Variants in EYS observed in about 807,000 individuals in gnomAD.
The protein encoded by EYS is EGF-like photoreceptor maintenance factor, also known as protein eyes shut homolog.
A neutral mutation model predicts 282.1 loss-of-function variants in EYS; 250 were observed. The observed-to-expected ratio is 0.89, with a 90% CI of 0.80 to 0.98. The LOEUF (loss-of-function observed/expected upper bound fraction) is 0.98. EYS is among the 50% of genes least tolerant of loss of function. The probability of loss-of-function intolerance (pLI) is 0.00; values close to 1 mark genes in which losing one functional copy is unlikely to be tolerated. For synonymous variants in EYS, 1,355 were observed against 1,282.9 expected, an observed-to-expected ratio of 1.06 and a Z score of -1.20; for missense variants, 4,016 against 3,709.0, an observed-to-expected ratio of 1.08 and a Z score of -2.15.
At chr6:65,068,239 T>C (rs904741446) in intron 12 of EYS, among the ~76,000 whole-genome samples, 3 of 152,098 alleles carry the variant, frequency 2.0e-5, no homozygotes, top group Non-Finnish European at 2.9e-5. Context: ...ACATTCTACT[T>C]TCCAACGGAG....
At chr6:64,064,754 T>C (rs1392549765) in intron 33 of EYS, among the ~76,000 whole-genome samples, 1 of 152,198 alleles carries the variant, frequency 6.6e-6, no homozygotes, top group Non-Finnish European at 1.5e-5. Flanking sequence ...ATAGCAATTA[T>C]TTCATGTATA....
chr6:65,310,395 T>G (rs1354519940), intron 11 of EYS, among the ~76,000 whole-genome samples: 1 of 152,020 alleles, frequency 6.6e-6, no homozygotes, highest in East Asian at 1.9e-4. Context: ...CTGGGATTAG[T>G]GGTGACCAGC....
chr6:65,697,315 G>A (rs917569185), intron 1 of EYS, among the ~76,000 whole-genome samples: 34 of 151,944 alleles, frequency 2.2e-4, no homozygotes, highest in African/African-American at 8.0e-4. Context: ...TTCATGTTAA[G>A]TGCATATTCA....
At chr6:63,816,217 G>A (rs1056880779) in intron 36 of EYS, among the ~76,000 whole-genome samples, 1 of 152,080 alleles carries the variant, frequency 6.6e-6, no homozygotes, top group African/African-American at 2.4e-5. Context: ...AATTGGAAAG[G>A]ATCTTGTTAT....
chr6:64,409,505 T>C (rs1029808377), intron 28 of EYS, among the ~76,000 whole-genome samples: 1 of 152,214 alleles, frequency 6.6e-6, no homozygotes, highest in Non-Finnish European at 1.5e-5. Context: ...TTTCTTTCCA[T>C]TCAAAGAGCT....
chr6:64,202,719 A>G (rs542073013), intron 31 of EYS, among the ~76,000 whole-genome samples: 1 of 152,160 alleles, frequency 6.6e-6, no homozygotes, highest in East Asian at 1.9e-4. Context: ...ATCCTCCATG[A>G]GAGTAGGCCC....
intron 19 of EYS, among the ~76,000 whole-genome samples, chr6:64,856,288 C>CA (rs1045352734): frequency 6.6e-6 from 1 of 151,866 alleles, no homozygotes; most frequent in Non-Finnish European, 1.5e-5. Context: ...CATTTGGTAT[C>CA]AAAAAAATAT....
intron 28 of EYS, among the ~76,000 whole-genome samples, chr6:64,422,628 A>G (rs2150452932): frequency 6.6e-6 from 1 of 152,360 alleles, no homozygotes; most frequent in East Asian, 1.9e-4. Flanking sequence ...TTTTTTTATT[A>G]GAAGAGTCTC....
chr6:65,290,619 G>T (rs969417811), intron 12 of EYS, among the ~76,000 whole-genome samples: 1 of 151,352 alleles, frequency 6.6e-6, no homozygotes, highest in East Asian at 1.9e-4. Context: ...TTAGAGTTTA[G>T]AGTCAGAAAT....
intron 35 of EYS, among the ~76,000 whole-genome samples, chr6:63,887,993 T>G (rs1170836182): frequency 1.3e-5 from 2 of 152,170 alleles, no homozygotes; most frequent in African/African-American, 4.8e-5. Context: ...AGCTTGAGTT[T>G]TCCCCTCACA....
At chr6:63,962,870 C>A (rs935111966) in intron 35 of EYS, among the ~76,000 whole-genome samples, 2 of 152,092 alleles carry the variant, frequency 1.3e-5, no homozygotes, top group Non-Finnish European at 2.9e-5. Flanking sequence ...AAATGCCCAA[C>A]AACGATAGAC....
chr6:65,446,139 T>C (rs796584367), intron 5 of EYS, among the ~76,000 whole-genome samples: 7 of 151,888 alleles, frequency 4.6e-5, no homozygotes, highest in African/African-American at 1.7e-4. Flanking sequence ...ATCATATATG[T>C]AGCAAATTTA....
intron 12 of EYS, among the ~76,000 whole-genome samples, chr6:65,276,845 C>T (rs577691227): frequency 7.9e-5 from 12 of 152,110 alleles, no homozygotes; most frequent in Admixed American, 3.9e-4. Context: ...AAAAAGATAA[C>T]TGTAATTGAC....
intron 5 of EYS, among the ~76,000 whole-genome samples, chr6:65,456,430 C>G (rs1343953536): frequency 1.4e-5 from 2 of 147,536 alleles, no homozygotes; most frequent in African/African-American, 2.5e-5. Context: ...AGCCTAGCGA[C>G]AGAGTGAGAC....
rs144149693 is a variant in EYS at position 64,441,353 on chromosome 6, T to C, written c.5645-2001A>G. ...CTTTCCACTCAGGGGATGTCAAAAC[T>C]GTTGTGCCCAGATCAGCTGTAGACA... is the stretch of plus-strand genomic sequence containing the variant. On this transcript the variant is annotated intron_variant, in intron 26 of 42. Transcript: ENST00000503581. 2.6e-5 allele frequency among the ~76,000 whole-genome samples: 4 copies of C among 152,326 alleles called. No homozygotes were observed. The East Asian group carries it at 7.7e-4, about 29-fold the overall frequency.
chr6:63,954,717 C>T (rs1311199189), intron 35 of EYS, among the ~76,000 whole-genome samples: 1 of 152,184 alleles, frequency 6.6e-6, no homozygotes, highest in Admixed American at 6.5e-5. Flanking sequence ...TGCCTACTCC[C>T]CGCTGAAACT....
At chr6:64,233,821 C>T (rs1470830513) in intron 30 of EYS, among the ~76,000 whole-genome samples, 1 of 152,154 alleles carries the variant, frequency 6.6e-6, no homozygotes, top group Non-Finnish European at 1.5e-5. Context: ...AATTTCCAGT[C>T]GTGTTGGGGA....
intron 9 of EYS, among the ~76,000 whole-genome samples, chr6:65,352,630 T>C (rs1764326472): frequency 6.6e-6 from 1 of 151,858 alleles, no homozygotes; most frequent in Non-Finnish European, 1.5e-5. Context: ...TTCCAATTCA[T>C]AAACAAGATC....
chr6:65,510,843 T>C (rs999151864), intron 2 of EYS, among the ~76,000 whole-genome samples: 3 of 152,212 alleles, frequency 2.0e-5, no homozygotes, highest in African/African-American at 7.2e-5. Context: ...CTCAAGGCAA[T>C]TATTTCATTC....
Sources: allele counts gnomAD v4.1 joint callset (sites outside exome capture counted in the v4.1 genomes callset), GRCh38; gene constraint gnomAD v4.1.1; transcripts MANE v1.5; gene names NCBI Gene and HGNC (gene_info 2026-07-23, HGNC 2026-07-21).